The following CUL4B variants were observed in gnomAD, a reference collection of about 807,000 sequenced individuals.
CUL4B encodes the protein cullin 4B, also known as cullin-4B.
A neutral mutation model predicts 69.2 loss-of-function variants in CUL4B; 1 was observed. The ratio of observed to expected loss-of-function variants is 0.01; its 90% CI spans 0.01 to 0.07. The LOEUF is 0.07. CUL4B is among the 10% of genes least tolerant of loss of function. The pLI is 1.00. For synonymous variants in CUL4B, 237 were observed against 223.2 expected, an observed-to-expected ratio of 1.06 and a Z score of -0.55; for missense variants, 328 against 638.8, an observed-to-expected ratio of 0.51 and a Z score of 5.24.
chrX:120,533,769 G>GT (rs753524758), intron 17 of CUL4B, among the ~76,000 whole-genome samples: 2 of 111,557 alleles, frequency 1.8e-5, no homozygotes, highest in East Asian at 5.6e-4. Context: ...TTTCCCTATG[G>GT]TTATATAAAG....
intron 2 of CUL4B, among the ~76,000 whole-genome samples, chrX:120,555,890 C>T (rs950519569): frequency 1.0e-5 from 1 of 99,700 alleles, no homozygotes; most frequent in Non-Finnish European, 2.0e-5. Context: ...TGCAGTGAGC[C>T]GAGATCACGC....
chrX:120,571,178 G>C (rs1169815966), exon 3 of CUL4B: 1 of 111,288 alleles, frequency 9.0e-6, no homozygotes, highest in Non-Finnish European at 1.9e-5. Flanking sequence ...ACAGATGATA[G>C]ATTCCTGGAT....
upstream of CUL4B, chrX:120,561,441 T>TGG (rs771003908): frequency 7.4e-6 from 2 of 270,714 alleles, no homozygotes; most frequent in East Asian, 7.2e-5. Context: ...AGGACTTGAG[T>TGG]GGGGGGGGGA....
chrX:120,568,672 C>T (rs1046301475), downstream of CUL4B, among the ~76,000 whole-genome samples: 3 of 112,556 alleles, frequency 2.7e-5, no homozygotes, highest in African/African-American at 9.7e-5. Context: ...GTTGATTTCA[C>T]AGTTTTTCAA....
At chrX:120,560,027 T>G in intron 1 of CUL4B, 56 bp downstream of exon 1, 1 of 1,211,282 alleles carries the variant, frequency 8.3e-7, no homozygotes, top group Non-Finnish European at 1.1e-6. Flanking sequence ...ATAGAGCACG[T>G]GACCCCTCGA....
At chrX:120,533,765 T>A (rs1923470344) in intron 17 of CUL4B, among the ~76,000 whole-genome samples, 1 of 111,711 alleles carries the variant, frequency 9.0e-6, no homozygotes, top group African/African-American at 3.3e-5. Flanking sequence ...CCCCTTTCCC[T>A]ATGGTTATAT....
chrX:120,554,053 T>C (rs1207190973), intron 2 of CUL4B, among the ~76,000 whole-genome samples: 2 of 111,837 alleles, frequency 1.8e-5, no homozygotes, highest in African/African-American at 3.3e-5. Context: ...TGGCCCAGTG[T>C]AGATTTAGAA....
At chrX:120,547,728 A>G (rs1304964509) in intron 2 of CUL4B, among the ~76,000 whole-genome samples, 2 of 111,577 alleles carry the variant, frequency 1.8e-5, no homozygotes, top group East Asian at 5.6e-4. Flanking sequence ...GTGTTGCCAA[A>G]AGAGATTAAC....
At chrX:120,567,118 ATTTTTTTT>A (rs72483160), downstream of CUL4B, among the ~76,000 whole-genome samples, 3 of 55,290 alleles carry the variant, frequency 5.4e-5, no homozygotes, top group African/African-American at 2.2e-4. Context: ...GCCAATTTAG[ATTTTTTTT>A]TTTTTTTTTT....
At chrX:120,566,365 A>ATG (rs779869075), upstream of CUL4B, among the ~76,000 whole-genome samples, 1,396 of 58,755 alleles carry the variant, frequency 0.024, 58 homozygotes, top group African/African-American at 0.06. Flanking sequence ...ATATATATAT[A>ATG]TATATATATA....
chrX:120,554,688 A>G (rs1924869428), intron 2 of CUL4B, among the ~76,000 whole-genome samples: 1 of 112,420 alleles, frequency 8.9e-6, no homozygotes, highest in Admixed American at 9.5e-5. Flanking sequence ...CTAAGCAGAT[A>G]TATGCCAGTA....
intron 11 of CUL4B, 22 bp from the exon 12 acceptor site, chrX:120,539,394 T>C (rs1286298736): frequency 2.0e-6 from 2 of 1,003,210 alleles, no homozygotes; most frequent in African/African-American, 3.7e-5. Context: ...GAAAAGTTTG[T>C]TGTTTAATAA....
At chrX:120,565,916 G>C (rs1925496714), upstream of CUL4B, among the ~76,000 whole-genome samples, 1 of 105,778 alleles carries the variant, frequency 9.5e-6, no homozygotes, top group African/African-American at 3.4e-5. Flanking sequence ...TTTTAGTAGA[G>C]ATGAGGTTTC....
At position 120,558,018 on chromosome X, in the gene CUL4B, T is replaced by C; in HGVS notation, c.578A>G (p.Asn193Ser). ...NFKDKPKLPE[N>S]YTDETWQKLK... is the part of the protein sequence containing the mutation. ...TTTTTGCCAGGTTTCATCTGTGTAG[T>C]TTTCTGGTAATTTAGGCTTATCTAG... is the stretch of plus-strand genomic sequence containing the variant. Residue 193 changes from asparagine (N) to serine (S), a missense_variant, in exon 2 of 20, where the codon AAC becomes AGC. Asn to Ser is a conservative substitution (Grantham distance 46, BLOSUM62 1). Transcript: ENST00000371322. 1 of 1,200,621 alleles carries C rather than the reference T, an allele frequency of 8.3e-7. No individual in the cohort carries two copies. The highest frequency in any genetic ancestry group is 1.1e-6 in the Non-Finnish European group (1 of 886,185).
At chrX:120,543,527 CACA>C (rs1924134941) in intron 8 of CUL4B, among the ~76,000 whole-genome samples, 197 bp downstream of exon 8, 3 of 107,516 alleles carry the variant, frequency 2.8e-5, no homozygotes, top group African/African-American at 1.0e-4. Flanking sequence ...CACACACACA[CACA>C]CACCCCTAAT....
Position 120,537,038 on chromosome X carries a change from T to C in CUL4B, c.1939-4A>G, listed in dbSNP as rs1405740580. The C allele has an allele frequency of 5.3e-6, 6 of 1,125,133 alleles. No homozygotes were observed. In the African/African-American group the frequency reaches 5.4e-5, roughly 10 times the overall value. The allele number at this position is 1,125,133 out of a possible 1,213,427, so 92.7% of individuals were successfully genotyped here. A position where few individuals can be genotyped will look rare whatever the true frequency, so the allele number is the denominator to read the frequency against. On this transcript the variant is annotated splice_polypyrimidine_tract_variant and splice_region_variant and intron_variant, in intron 14 of 19. Coordinates refer to ENST00000371322, the MANE Select transcript of CUL4B (RefSeq NM_001079872.2). Reference sequence around the variant, plus strand: ...GAACATTCTGATTCTGCATATACTATAAGAAGATCAAAACACACACTGAGA... The same window carrying C: ...GAACATTCTGATTCTGCATATACTACAAGAAGATCAAAACACACACTGAGA...
chrX:120,532,333 G>A (rs1172870209), intron 18 of CUL4B, 89 bp downstream of exon 18: 2 of 670,116 alleles, frequency 3.0e-6, no homozygotes, highest in Non-Finnish European at 4.6e-6. Context: ...GGTATTGGCA[G>A]TATTACAGGT....
At chrX:120,569,576 G>C (rs1602596080), downstream of CUL4B, among the ~76,000 whole-genome samples, 2 of 111,412 alleles carry the variant, frequency 1.8e-5, no homozygotes, top group Admixed American at 1.9e-4. Context: ...TAGCCAGGAT[G>C]GTCTCGATCT....
chrX:120,530,693 A>C (rs1453907880), intron 18 of CUL4B, among the ~76,000 whole-genome samples: 1 of 112,090 alleles, frequency 8.9e-6, no homozygotes, highest in African/African-American at 3.2e-5. Context: ...TAACTGGCTA[A>C]GCAAACTAGT....
Sources: allele counts gnomAD v4.1 joint callset (sites outside exome capture counted in the v4.1 genomes callset), GRCh38; gene constraint gnomAD v4.1.1; transcripts MANE v1.5; gene names NCBI Gene and HGNC (gene_info 2026-07-23, HGNC 2026-07-21).